Variants in OTOGL observed in about 807,000 individuals in gnomAD.
The protein encoded by OTOGL is otogelin like, also known as otogelin-like protein.
In OTOGL, 285 loss-of-function variants were observed where a neutral mutation model predicts 318.5. The observed-to-expected ratio is 0.89, with a 90% CI of 0.81 to 0.99. OTOGL has a LOEUF of 0.99. Among genes scored for constraint, OTOGL ranks in the 50% least tolerant of loss-of-function variants. The pLI is 0.00. For synonymous variants in OTOGL, 987 were observed against 936.5 expected, an observed-to-expected ratio of 1.05 and a Z score of -0.99; for missense variants, 2,899 against 2,845.6, an observed-to-expected ratio of 1.02 and a Z score of -0.43.
At chr12:80,124,647 A>G (rs1870698142) in intron 1 of OTOGL, among the ~76,000 whole-genome samples, 1 of 152,108 alleles carries the variant, frequency 6.6e-6, no homozygotes. Context: ...CATTTTCATG[A>G]TATTGATTCT....
At chr12:80,341,541 A>G (rs1888767075) in intron 43 of OTOGL, among the ~76,000 whole-genome samples, 1 of 152,174 alleles carries the variant, frequency 6.6e-6, no homozygotes, top group Admixed American at 6.5e-5. Flanking sequence ...CAGAGTTTTC[A>G]CAGGGAAGTG....
intron 42 of OTOGL, 72 bp from the exon 43 acceptor site, chr12:80,339,003 G>C: frequency 8.3e-7 from 1 of 1,201,508 alleles, no homozygotes; most frequent in Non-Finnish European, 1.2e-6. Flanking sequence ...CAGAATAAAG[G>C]AATAATCTGT....
rs377304360 is a variant in OTOGL at position 80,266,523 on chromosome 12, C to T, written c.2297C>T (p.Ser766Phe). ...TGCCTCCATTCCTGCATTTCTCTCT[C>T]TTCCCCGGAGCAGTGCAGTGATGAC... ...SFCLHSCISLSSPEQCSDDCA... is the reference protein window; with the variant it reads ...SFCLHSCISLFSPEQCSDDCA... Residue 766 changes from serine (S) to phenylalanine (F), a missense_variant, in exon 21 of 59, where the codon TCT (serine) becomes TTT (phenylalanine). Ser to Phe is a radical substitution (Grantham distance 155). Around this residue, in one of 3 missense-constraint regions of OTOGL, gnomAD observed 2,607 missense variants for 2,524.9 expected, o/e 1.03. Coordinates refer to ENST00000547103, the MANE Select transcript of OTOGL (RefSeq NM_001378609.3). 28 of 1,613,462 alleles carry T rather than the reference C, an allele frequency of 1.7e-5. No individual in the cohort carries two copies. The African/African-American group carries it at 3.7e-4, about 22-fold the overall frequency.
At chr12:80,166,554 C>G (rs1409093344) in intron 1 of OTOGL, among the ~76,000 whole-genome samples, 1 of 152,000 alleles carries the variant, frequency 6.6e-6, no homozygotes, top group Admixed American at 6.6e-5. Flanking sequence ...TGATAAATAC[C>G]TAACTTCTGA....
chr12:80,117,846 A>G (rs1407007606), intron 1 of OTOGL, among the ~76,000 whole-genome samples: 1 of 152,156 alleles, frequency 6.6e-6, no homozygotes, highest in Non-Finnish European at 1.5e-5. Context: ...TTTTCCTGCA[A>G]TCTTAAAATG....
At chr12:80,152,912 C>A (rs1351379332) in intron 1 of OTOGL, among the ~76,000 whole-genome samples, 2 of 152,112 alleles carry the variant, frequency 1.3e-5, no homozygotes, top group Non-Finnish European at 2.9e-5. Flanking sequence ...CAGGCAGGTG[C>A]CAATTTCGTA....
chr12:80,303,726 A>G (rs940340152), intron 28 of OTOGL, among the ~76,000 whole-genome samples: 1 of 152,180 alleles, frequency 6.6e-6, no homozygotes, highest in African/African-American at 2.4e-5. Flanking sequence ...GGGAAATGCC[A>G]CACTTTTTAA....
intron 1 of OTOGL, among the ~76,000 whole-genome samples, chr12:80,131,647 T>C (rs778936735): frequency 3.3e-5 from 5 of 150,270 alleles, no homozygotes; most frequent in Non-Finnish European, 7.4e-5. Context: ...TTTTCTCTTG[T>C]AATAATAATG....
In OTOGL at chr12:80,336,455, A is replaced by G. The variant is rs1470267576; in HGVS notation, c.4643A>G (p.Asp1548Gly). 6.2e-7 allele frequency: 1 copy of G among 1,609,774 alleles called. No homozygotes were observed. Among genetic ancestry groups the G allele is most frequent in the African/African-American group, 1.3e-5 (1 of 74,910 alleles). ...MLSELSIITF[D>G]GNNAALYSMA... ...TCAGAACTGAGCATTATTACATTTG[A>G]TGGAAACAACGCAGCATTATATAGC... Residue 1548 changes from aspartate (D) to glycine (G), a missense_variant, in exon 40 of 59, where the codon GAT becomes GGT. This residue lies in a region of OTOGL where 2,607 missense variants were observed against 2,524.9 expected (regional missense o/e 1.03). Transcript: ENST00000547103.
In OTOGL at chr12:80,379,762, G is replaced by A. The variant is rs924378400; in HGVS notation, c.*1714G>A. 6.6e-6 allele frequency: 1 copy of A among 151,854 alleles called. No homozygotes were observed. Among genetic ancestry groups the A allele is most frequent in the Middle Eastern group, 3.2e-3 (1 of 314 alleles). The allele number at this position is 151,854 out of a possible 1,614,324, so 9.4% of individuals were successfully genotyped here. ...AGTAATCTTTAAACCTATTTGTGGA[G>A]AAATGGGAAACATTCTCCTAGAACT... is the stretch of plus-strand genomic sequence containing the variant. On this transcript the variant is annotated 3_prime_UTR_variant, in exon 59 of 59. Transcript: ENST00000547103.
At chr12:80,303,581 T>A (rs187295042) in intron 28 of OTOGL, among the ~76,000 whole-genome samples, 1 of 152,332 alleles carries the variant, frequency 6.6e-6, no homozygotes, top group Admixed American at 6.5e-5. Flanking sequence ...GGGTAATTTA[T>A]AAAGAAAAGA....
intron 4 of OTOGL, among the ~76,000 whole-genome samples, chr12:80,213,439 C>T (rs1333264680): frequency 1.3e-5 from 2 of 152,138 alleles, no homozygotes; most frequent in African/African-American, 2.4e-5. Context: ...CCTCTTATCT[C>T]ATCCTGTGAC....
At position 80,224,665 on chromosome 12, in the gene OTOGL, G is replaced by A. The variant is rs554605295; in HGVS notation, c.489+2420G>A. 3.9e-5 allele frequency among the ~76,000 whole-genome samples: 6 copies of A among 151,998 alleles called. No homozygotes were observed. In the South Asian group the frequency reaches 1.0e-3, roughly 26 times the overall value. On this transcript the variant is annotated intron_variant, in intron 7 of 58. Transcript: ENST00000547103. The stretch of plus-strand genomic sequence containing the variant: ...TAAATATATTCTTAAGTATTTTAAT[G>A]TTTTTTGCAGCTATTGTAAAAGGGG...
chr12:80,174,759 A>G (rs966530638), intron 1 of OTOGL, among the ~76,000 whole-genome samples: 6 of 152,158 alleles, frequency 3.9e-5, no homozygotes, highest in African/African-American at 1.2e-4. Context: ...CAGTGAGCAG[A>G]AGAAAAGGCA....
chr12:80,249,937 TC>T (rs916975520), intron 11 of OTOGL, among the ~76,000 whole-genome samples: 1 of 152,178 alleles, frequency 6.6e-6, no homozygotes, highest in East Asian at 1.9e-4. Context: ...TCCAGGTGCG[TC>T]CGTCAGCCCT....
chr12:80,302,655 G>T lies in OTOGL; in HGVS notation c.3085G>T (p.Glu1029Ter). The T allele has an allele frequency of 7.3e-7, 1 of 1,371,116 alleles. No individual in the cohort carries two copies. Among genetic ancestry groups the T allele is most frequent in the Non-Finnish European group, 9.4e-7 (1 of 1,058,866 alleles). The allele number at this position is 1,371,116 out of a possible 1,614,324, so 84.9% of individuals were successfully genotyped here. The change falls in exon 28 of 59, where the codon GAA becomes TAA. Residue 1029 changes from glutamate (E) to a stop codon, truncating the protein, a stop_gained. Transcript: ENST00000547103. LOFTEE classifies it high-confidence loss of function. Reference sequence around the variant, plus strand: ...TAAGAAACAATCAGGTTTTTTTCTGGAAAACAAATCTACCTACCAGCTTTG... The same window carrying T: ...TAAGAAACAATCAGGTTTTTTTCTGTAAAACAAATCTACCTACCAGCTTTG... Reference protein sequence around the residue: ...YKQKQSGFFLENKSTYQLWKA... With the variant: ...YKQKQSGFFL
At chr12:80,376,670 G>A (rs1203062532) in intron 57 of OTOGL, among the ~76,000 whole-genome samples, 2 of 152,066 alleles carry the variant, frequency 1.3e-5, no homozygotes, top group Non-Finnish European at 2.9e-5. Flanking sequence ...TGTCCATTAA[G>A]ATAATGTGGT....
At chr12:80,142,225 T>C (rs1474297487) in intron 1 of OTOGL, among the ~76,000 whole-genome samples, 1 of 152,110 alleles carries the variant, frequency 6.6e-6, no homozygotes, top group East Asian at 1.9e-4. Flanking sequence ...TATAAACAGG[T>C]AAAATTACTT....
At position 80,212,056 on chromosome 12, in the gene OTOGL, C is replaced by G. The variant is rs1038416828; in HGVS notation, c.168+59C>G. 14 of 1,447,056 alleles carry G rather than the reference C, an allele frequency of 9.7e-6. No homozygotes were observed. In the Admixed American group the frequency reaches 1.8e-4, roughly 18 times the overall value. The allele number at this position is 1,447,056 out of a possible 1,614,324, so 89.6% of individuals were successfully genotyped here. On this transcript the variant is annotated intron_variant, in intron 4 of 58. Transcript: ENST00000547103. Reference sequence around the variant, plus strand: ...GAAATAATCCATTCTGTTTTGGACTCTGCTGTCACTTCAACAATGAGACCT... The same window carrying G: ...GAAATAATCCATTCTGTTTTGGACTGTGCTGTCACTTCAACAATGAGACCT...
Sources: allele counts gnomAD v4.1 joint callset (sites outside exome capture counted in the v4.1 genomes callset), GRCh38; gene constraint gnomAD v4.1.1; regional missense constraint gnomAD v4.1.1; transcripts MANE v1.5; gene names NCBI Gene and HGNC (gene_info 2026-07-23, HGNC 2026-07-21).